DNM2: variants seen among roughly 807,000 people sequenced by gnomAD.
DNM2 encodes the protein dynamin-2.
A neutral mutation model predicts 99.0 loss-of-function variants in DNM2; 15 were observed. The ratio of observed to expected loss-of-function variants is 0.15; its 90% CI spans 0.10 to 0.23. The LOEUF is 0.23. DNM2 is among the 10% of genes least tolerant of loss of function. The pLI is 1.00. For synonymous variants in DNM2, 525 were observed against 481.2 expected (o/e 1.09, Z -1.19); for missense variants, 742 against 1,189.4 (o/e 0.62, Z 5.53).
rs973895257 is a variant in DNM2, at chr19:10,782,452, G to A, written c.689-508G>A. ...TGGCTCACTGCAACCTCCGCCTGCC[G>A]GGTTCAAGCGGTTCTCCTGCCTCAG... On this transcript the variant is annotated intron_variant, in intron 5 of 20. Coordinates refer to ENST00000389253, the MANE Select transcript of DNM2 (RefSeq NM_001005361.3). Among the ~76,000 whole-genome samples, 13 of 151,486 alleles carry A rather than the reference G, an allele frequency of 8.6e-5. 1 individual carries two copies. The South Asian group carries it at 2.1e-3, about 24-fold the overall frequency.
chr19:10,784,744 C>T (rs1394931290), intron 6 of DNM2, among the ~76,000 whole-genome samples: 2 of 151,952 alleles, frequency 1.3e-5, no homozygotes, highest in African/African-American at 4.8e-5. Context: ...TGCTCCATGC[C>T]ATAGATGTGA....
chr19:10,756,649 G>A (rs988806729), intron 1 of DNM2, among the ~76,000 whole-genome samples: 1 of 152,164 alleles, frequency 6.6e-6, no homozygotes, highest in African/African-American at 2.4e-5. Context: ...AGAGCTGACT[G>A]TGCTGCCTGT....
At chr19:10,781,185 A>C (rs893002020) in intron 5 of DNM2, among the ~76,000 whole-genome samples, 1 of 152,152 alleles carries the variant, frequency 6.6e-6, no homozygotes, top group African/African-American at 2.4e-5. Flanking sequence ...GCGAGACTCC[A>C]TCTCTTAATT....
At chr19:10,719,814 C>T (rs2068877140) in intron 1 of DNM2, among the ~76,000 whole-genome samples, 1 of 152,212 alleles carries the variant, frequency 6.6e-6, no homozygotes. Flanking sequence ...TCATCCCCAC[C>T]TTAGCTGAGC....
intron 7 of DNM2, among the ~76,000 whole-genome samples, chr19:10,791,445 A>G (rs942453508): frequency 6.6e-6 from 1 of 152,210 alleles, no homozygotes; most frequent in Non-Finnish European, 1.5e-5. Context: ...ACCCTGTGAT[A>G]TTCTCTTGAC....
intron 2 of DNM2, chr19:10,763,545 T>C (rs577414111): frequency 6.6e-6 from 1 of 152,402 alleles, no homozygotes; most frequent in East Asian, 1.9e-4. Context: ...GCCCACTTGG[T>C]GCTGGGCCTT....
At chr19:10,740,234 TTCTC>T (rs370337056) in intron 1 of DNM2, among the ~76,000 whole-genome samples, 1 of 152,154 alleles carries the variant, frequency 6.6e-6, no homozygotes, top group East Asian at 1.9e-4. Context: ...TGGTGTTAAC[TTCTC>T]TCTCCATTTT....
chr19:10,789,533 G>GAAA (rs1001386123), intron 7 of DNM2, among the ~76,000 whole-genome samples: 2 of 136,770 alleles, frequency 1.5e-5, no homozygotes, highest in African/African-American at 5.4e-5. Flanking sequence ...CTGAAATTAA[G>GAAA]AAAAAAAAAA....
chr19:10,824,123 T>G, intron 17 of DNM2: 1 of 572,730 alleles, frequency 1.7e-6, no homozygotes, highest in East Asian at 3.0e-5. Flanking sequence ...ACACAGGGGA[T>G]GGGGTCCCAC....
intron 5 of DNM2, among the ~76,000 whole-genome samples, chr19:10,777,543 T>C (rs563809042): frequency 6.6e-6 from 1 of 152,280 alleles, no homozygotes; most frequent in South Asian, 2.1e-4. Context: ...TTTATAACTT[T>C]AATTAATTTT....
Position 10,795,887 on chromosome 19 carries a change from T to C in DNM2, c.1196+448T>C. On this transcript the variant is annotated intron_variant, in intron 9 of 20. Coordinates refer to ENST00000389253, the MANE Select transcript of DNM2 (RefSeq NM_001005361.3). This position sits in a 1 kb window ranked among gnomAD's most constrained non-coding sequence, Gnocchi z 4.2. ...CCAGGTGTCTGCCCTTCCATCGCCG[T>C]GGGGTCCTCGGGTCACCCTGAGGGT... 1 of 1,014,468 alleles carries C rather than the reference T, an allele frequency of 9.9e-7. No individual in the cohort carries two copies. Among genetic ancestry groups the C allele is most frequent in the African/African-American group, 1.6e-5 (1 of 63,312 alleles). 62.8% of individuals were successfully genotyped at this position (1,014,468 alleles called of 1,614,324 possible).
At chr19:10,780,836 G>A (rs1294842931) in intron 5 of DNM2, among the ~76,000 whole-genome samples, 1 of 151,976 alleles carries the variant, frequency 6.6e-6, no homozygotes, top group African/African-American at 2.4e-5. Flanking sequence ...ACCAAGGCGG[G>A]TGGATCAAAC....
chr19:10,820,223 G>A lies in DNM2; in HGVS notation c.1781+134G>A, dbSNP rs2072928839. ...CCTTGGGACCCAGCTTTTAGAAAGG[G>A]GAGTCACGTGAGAAATAGCAAATGC... On this transcript the variant is annotated intron_variant, in intron 16 of 20. Coordinates refer to ENST00000389253, the MANE Select transcript of DNM2 (RefSeq NM_001005361.3). The surrounding 1 kb of genome is among the most constrained non-coding windows in gnomAD (Gnocchi z 4.3). The A allele has an allele frequency of 2.4e-6, 2 of 818,366 alleles. No homozygotes were observed. The highest frequency in any genetic ancestry group is 4.1e-5 in the Admixed American group (2 of 48,226). The allele number at this position is 818,366 out of a possible 1,614,324, so 50.7% of individuals were successfully genotyped here.
At chr19:10,719,862 C>T (rs2068879008) in intron 1 of DNM2, among the ~76,000 whole-genome samples, 1 of 152,252 alleles carries the variant, frequency 6.6e-6, no homozygotes, top group South Asian at 2.1e-4. Context: ...CCCAAGGCCA[C>T]TAGGCTGGCG....
rs80199032 is a variant in DNM2 at position 10,802,541 on chromosome 19, T to G, written c.1493+183T>G. The G allele has an allele frequency of 2.5e-4, 179 of 709,708 alleles. No individual in the cohort carries two copies. In the East Asian group the frequency reaches 4.7e-3, roughly 19 times the overall value. 44.0% of individuals were successfully genotyped at this position (709,708 alleles called of 1,614,324 possible). A position where few individuals can be genotyped will look rare whatever the true frequency, so the allele number is the denominator to read the frequency against. ...CTCTCCTGGGCTGATAGTGGTCCAC[T>G]GTCCCCAACCAACACGCCTTCTGTG... On this transcript the variant is annotated intron_variant, in intron 12 of 20. Coordinates refer to ENST00000389253, the MANE Select transcript of DNM2 (RefSeq NM_001005361.3).
chr19:10,802,140 G>A (rs1053830203), intron 11 of DNM2, 148 bp from the exon 12 acceptor site: 11 of 746,148 alleles, frequency 1.5e-5, no homozygotes, highest in Non-Finnish European at 2.6e-5. Flanking sequence ...GAGGGTGTGG[G>A]GAGTGCGACG....
chr19:10,752,951 GAAAC>G (rs1002130223), intron 1 of DNM2, among the ~76,000 whole-genome samples: 45 of 152,128 alleles, frequency 3.0e-4, no homozygotes, highest in African/African-American at 9.4e-4. Context: ...GTCTGTTAAA[GAAAC>G]AAACAAACAA....
chr19:10,718,511 C>A, intron 1 of DNM2, 108 bp downstream of exon 1: 1 of 1,250,628 alleles, frequency 8.0e-7, no homozygotes. Context: ...GCTTGCGTGC[C>A]CGCGGCGGGG....
intron 15 of DNM2, among the ~76,000 whole-genome samples, chr19:10,819,485 G>A (rs2072897000): frequency 6.6e-6 from 1 of 152,176 alleles, no homozygotes; most frequent in Non-Finnish European, 1.5e-5. Flanking sequence ...AAGGCGAGGG[G>A]CAGTTGTGTT....
Sources: gnomAD v4.1 joint callset for allele counts (sites outside exome capture counted in the v4.1 genomes callset) on GRCh38, gnomAD v4.1.1 for gene constraint, Gnocchi (gnomAD v3.1) non-coding constraint, MANE v1.5 for transcripts, NCBI Gene and HGNC (gene_info 2026-07-23, HGNC 2026-07-21) for gene names.